The following CPM variants were observed in gnomAD, a reference collection of about 807,000 sequenced individuals.
The protein encoded by CPM is renal carboxypeptidase.
CPM carries 35 observed loss-of-function variants against 46.4 expected under a neutral mutation model. That is an observed-to-expected ratio of 0.75 (90% confidence interval 0.58 to 1.00). The LOEUF is 1.00. Ranked by LOEUF, CPM falls within the 50% of genes least tolerant of loss-of-function variation. The pLI is 0.00. For missense variants in CPM, 422 were observed against 530.4 expected, an observed-to-expected ratio of 0.80 and a Z score of 2.01; for synonymous variants, 195 against 195.3, an observed-to-expected ratio of 1.00 and a Z score of 0.01.
intron 2 of CPM, among the ~76,000 whole-genome samples, chr12:68,891,734 T>G (rs553715580): frequency 6.6e-6 from 1 of 152,240 alleles, no homozygotes; most frequent in African/African-American, 2.4e-5. Flanking sequence ...TTTGTTTTTT[T>G]GGGTTTTTTT....
Position 68,871,960 on chromosome 12 carries a change from T to C in CPM, c.259-4A>G. ...GCAGCAGCTCCCGCCCAACAGTCTA[T>C]ATGTGTTAAAGAGAAAAGAGGACAT... On this transcript the variant is annotated splice_region_variant and splice_polypyrimidine_tract_variant and intron_variant, in intron 3 of 8. Transcript: ENST00000551568. The C allele has an allele frequency of 6.2e-7, 1 of 1,614,006 alleles. No individual in the cohort carries two copies. Among genetic ancestry groups the C allele is most frequent in the Non-Finnish European group, 8.5e-7 (1 of 1,179,988 alleles).
rs1224484598 is a variant in CPM at position 68,852,843 on chromosome 12, T to G, written c.*3594A>C. On this transcript the variant is annotated 3_prime_UTR_variant, in exon 9 of 9. Coordinates refer to ENST00000551568, the MANE Select transcript of CPM (RefSeq NM_198320.5). ...TCCCAAAGTGCTGGGATTACAGGCATGAGCCACCGTGCCTGACTGCTGCTT... is the reference window on the plus strand; with the variant it reads ...TCCCAAAGTGCTGGGATTACAGGCAGGAGCCACCGTGCCTGACTGCTGCTT... 6.6e-6 allele frequency: 1 copy of G among 152,324 alleles called. No individual in the cohort carries two copies. The highest frequency in any genetic ancestry group is 1.9e-4 in the East Asian group (1 of 5,184). 9.4% of individuals were successfully genotyped at this position (152,324 alleles called of 1,614,324 possible).
chr12:68,875,269 T>C (rs1050768808), intron 3 of CPM, among the ~76,000 whole-genome samples: 3 of 151,698 alleles, frequency 2.0e-5, no homozygotes, highest in Non-Finnish European at 4.4e-5. Flanking sequence ...GAGAATCGCT[T>C]GAACCTGGGA....
At position 68,866,958 on chromosome 12, in the gene CPM, A is replaced by G. The variant is rs1885478726; in HGVS notation, c.878T>C (p.Leu293Pro). The change falls in exon 7 of 9, where the codon CTT becomes CCT. Residue 293 changes from leucine (L) to proline (P), a missense_variant. Coordinates refer to ENST00000551568, the MANE Select transcript of CPM (RefSeq NM_198320.5). The part of the protein sequence containing the change: ...SCCKYPREEK[L>P]PSFWNNNKAS... ...TTTGTTATTATTCCAAAAGGATGGA[A>G]GCTTCTCCTCACGAGGATATTTACA... is the stretch of plus-strand genomic sequence containing the variant. 1.2e-6 allele frequency: 2 copies of G among 1,614,158 alleles called. No individual in the cohort carries two copies. Among genetic ancestry groups the G allele is most frequent in the Non-Finnish European group, 8.5e-7 (1 of 1,179,986 alleles).
chr12:68,873,392 T>C (rs1327757768), intron 3 of CPM, among the ~76,000 whole-genome samples: 1 of 152,152 alleles, frequency 6.6e-6, no homozygotes, highest in African/African-American at 2.4e-5. Flanking sequence ...CTAAGAAAAT[T>C]TGGGGCTGGT....
At position 68,862,745 on chromosome 12, in the gene CPM, G is replaced by C. The variant is rs183387611; in HGVS notation, c.941-3674C>G. ...TACCACCAAACCTTTTACTTAAGAG[G>C]GAAGTAATTGTTTTACCAGAAAATG... On this transcript the variant is annotated intron_variant, in intron 7 of 8. Coordinates refer to ENST00000551568, the MANE Select transcript of CPM (RefSeq NM_198320.5). Among the ~76,000 whole-genome samples, 19 of 151,704 alleles carry C rather than the reference G, an allele frequency of 1.3e-4. 2 individuals carry two copies. Among genetic ancestry groups the C allele is most frequent in the Non-Finnish European group, 2.6e-4 (18 of 67,950 alleles).
At chr12:68,843,583 A>G (rs1195630812) in intron 5 of CPM, 1 of 226,572 alleles carries the variant, frequency 4.4e-6, no homozygotes, top group Non-Finnish European at 8.8e-6. Flanking sequence ...TTTCTCCCAT[A>G]TGTGAATTGT....
At chr12:68,907,295 A>C (rs1031987870) in intron 2 of CPM, among the ~76,000 whole-genome samples, 1 of 152,222 alleles carries the variant, frequency 6.6e-6, no homozygotes, top group Non-Finnish European at 1.5e-5. Flanking sequence ...TGGAGGGCAC[A>C]TTATTAGGGT....
At chr12:68,923,157 TAGAGTGTGTGTG>T (rs1235098264) in intron 2 of CPM, among the ~76,000 whole-genome samples, 4 of 59,552 alleles carry the variant, frequency 6.7e-5, no homozygotes, top group African/African-American at 3.0e-4. Context: ...GTATTTGATA[TAGAGTGTGTGTG>T]TGTGTGTGTG....
At position 68,923,186 on chromosome 12, in the gene CPM, T is replaced by C. The variant is rs912825629; in HGVS notation, c.160+9492A>G. Among the ~76,000 whole-genome samples the C allele has an allele frequency of 3.5e-4, 49 of 139,134 alleles. 1 individual carries two copies. The highest frequency in any genetic ancestry group is 1.2e-3 in the African/African-American group (47 of 40,438). 91.3% of individuals were successfully genotyped at this position (139,134 alleles called of 152,430 possible). On this transcript the variant is annotated intron_variant, in intron 2 of 8. Coordinates refer to ENST00000551568, the MANE Select transcript of CPM (RefSeq NM_198320.5). Reference sequence around the variant, plus strand: ...GTGTGTGTGTGTGTGTGTGTGTGTGTGTGTGTGTGTGTGTGTGTGTGTGTG... The same window carrying C: ...GTGTGTGTGTGTGTGTGTGTGTGTGCGTGTGTGTGTGTGTGTGTGTGTGTG...
In CPM at chr12:68,930,200, C is replaced by T. The variant is rs553510544; in HGVS notation, c.160+2478G>A. On this transcript the variant is annotated intron_variant, in intron 2 of 8. Coordinates refer to ENST00000551568, the MANE Select transcript of CPM (RefSeq NM_198320.5). The stretch of plus-strand genomic sequence containing the variant: ...GGTTCACGCTATTCTCCGGTCTCAG[C>T]CTCTCTAGTAGCGGGAACCACAGGT... 5.3e-5 allele frequency among the ~76,000 whole-genome samples: 8 copies of T among 152,312 alleles called. No individual in the cohort carries two copies. The South Asian group carries it at 1.7e-3, about 32-fold the overall frequency.
At chr12:68,864,164 G>C (rs1465754943) in intron 7 of CPM, among the ~76,000 whole-genome samples, 2 of 152,240 alleles carry the variant, frequency 1.3e-5, no homozygotes, top group Admixed American at 1.3e-4. Context: ...ATGCAAATGG[G>C]CTGGGCATGG....
intron 2 of CPM, among the ~76,000 whole-genome samples, chr12:68,901,734 G>T (rs973013031): frequency 1.4e-4 from 21 of 152,306 alleles, no homozygotes; most frequent in Middle Eastern, 3.4e-3. Context: ...TCTTCCTCAG[G>T]ATTGGACTTT....
rs186503053 is a variant in CPM at position 68,945,928 on chromosome 12, C to A, written c.-3-13088G>T. 2.3e-4 allele frequency among the ~76,000 whole-genome samples: 32 copies of A among 140,726 alleles called. 1 individual carries two copies. The East Asian group carries it at 6.6e-3, about 29-fold the overall frequency. The allele number at this position is 140,726 out of a possible 152,430, so 92.3% of individuals were successfully genotyped here. A position where few individuals can be genotyped will look rare whatever the true frequency, so the allele number is the denominator to read the frequency against. ...AGTGCAGTGGCATGATCAGAGCTCACTGAAGCCTCGACCTCTAGGGCTAAA... is the reference window on the plus strand; with the variant it reads ...AGTGCAGTGGCATGATCAGAGCTCAATGAAGCCTCGACCTCTAGGGCTAAA... On this transcript the variant is annotated intron_variant, in intron 1 of 8. Transcript: ENST00000546373.
intron 2 of CPM, among the ~76,000 whole-genome samples, chr12:68,895,138 C>T (rs1166134254): frequency 2.0e-5 from 3 of 151,916 alleles, no homozygotes; most frequent in Non-Finnish European, 4.4e-5. Context: ...AAATCATGGC[C>T]ATTCCCTAAG....
chr12:68,898,649 C>T (rs1886985544), intron 2 of CPM, among the ~76,000 whole-genome samples: 1 of 152,216 alleles, frequency 6.6e-6, no homozygotes, highest in Non-Finnish European at 1.5e-5. Context: ...CGTCACCTGC[C>T]TGAACACAGC....
At position 68,941,170 on chromosome 12, in the gene CPM, CGTGTGTGT is replaced by C. The variant is rs370705580; in HGVS notation, c.-3-8338_-3-8331del. ...AAGTAATTTGAAGATGTGCTGAGTA[CGTGTGTGT>C]GTGTGTGTGTGTGTGTGTGTGTGTG... On this transcript the variant is annotated intron_variant, in intron 1 of 8. Transcript: ENST00000546373. Among the ~76,000 whole-genome samples the C allele has an allele frequency of 8.8e-3, 1,242 of 140,600 alleles. 10 individuals carry two copies. The highest frequency in any genetic ancestry group is 0.025 in the Middle Eastern group (7 of 276). 92.2% of individuals were successfully genotyped at this position (140,600 alleles called of 152,430 possible). A position where few individuals can be genotyped will look rare whatever the true frequency, so the allele number is the denominator to read the frequency against.
rs758125830 is a variant in CPM at position 68,885,816 on chromosome 12, G to A, written c.234C>T (p.Tyr78=). The change falls in exon 3 of 9, where the codon TAC becomes TAT. Residue 78 remains tyrosine, a synonymous_variant. Transcript: ENST00000551568. The part of the protein sequence containing the change: ...EHRIGIPEFK[Y]VANMHGDETV... ...CCTCATCTCCATGCATATTTGCCAC[G>A]TATTTGAACTCTGGAATCCCAATTC... is the stretch of plus-strand genomic sequence containing the variant. 35 of 1,614,008 alleles carry A rather than the reference G, an allele frequency of 2.2e-5. No individual in the cohort carries two copies. The highest frequency in any genetic ancestry group is 1.6e-4 in the Middle Eastern group (1 of 6,062).
In CPM at chr12:68,883,528, G is replaced by A. The variant is rs890302875; in HGVS notation, c.258+2264C>T. On this transcript the variant is annotated intron_variant, in intron 3 of 8. Transcript: ENST00000551568. ...CCAAAATACACTGGGACTTTTCCCC[G>A]CTGCCTAGTCTCAGCCCTCAGCATT... Among the ~76,000 whole-genome samples, 10 of 152,258 alleles carry A rather than the reference G, an allele frequency of 6.6e-5. No homozygotes were observed. The South Asian group carries it at 1.0e-3, about 16-fold the overall frequency.
Sources: gnomAD v4.1 joint callset for allele counts (sites outside exome capture counted in the v4.1 genomes callset) on GRCh38, gnomAD v4.1.1 for gene constraint, MANE v1.5 for transcripts, NCBI Gene and HGNC (gene_info 2026-07-23, HGNC 2026-07-21) for gene names.